ESRRG: variants seen among roughly 807,000 people sequenced by gnomAD.
The protein encoded by ESRRG is estrogen related receptor gamma.
In ESRRG, 13 loss-of-function variants were observed where a neutral mutation model predicts 44.0. The observed-to-expected ratio is 0.30, with a 90% CI of 0.19 to 0.47. ESRRG has a LOEUF of 0.47. Ranked by LOEUF, ESRRG falls within the 20% of genes least tolerant of loss-of-function variation. ESRRG has a pLI of 1.00. For missense variants in ESRRG, 395 were observed against 580.6 expected (o/e 0.68, Z 3.29); for synonymous variants, 215 against 214.6 (o/e 1.00, Z -0.02).
intron 1 of ESRRG, among the ~76,000 whole-genome samples, chr1:216,962,346 G>C (rs1034819523): frequency 6.6e-6 from 1 of 152,074 alleles, no homozygotes; most frequent in Admixed American, 6.6e-5. Flanking sequence ...GAGTTTTTCT[G>C]CTTTCTTCTC....
chr1:216,977,369 C>CACACATAT (rs1184658372), intron 1 of ESRRG, among the ~76,000 whole-genome samples: 9 of 151,394 alleles, frequency 5.9e-5, no homozygotes, highest in Non-Finnish European at 1.2e-4. Flanking sequence ...CACACACACA[C>CACACATAT]ACATATACAT....
intron 2 of ESRRG, among the ~76,000 whole-genome samples, chr1:216,912,183 A>AAGAAAAGAAAAGAAAAGAAGAGGAG (rs1560083326): frequency 1.4e-4 from 3 of 21,156 alleles, no homozygotes; most frequent in Non-Finnish European, 2.4e-4. Context: ...AAGAAAAGAA[A>AAGAAAAGAAAAGAAAAGAAGAGGAG]AGGAGAGGAG....
rs935665445 is a variant in ESRRG at position 217,064,808 on chromosome 1, A to G, written c.-106+24699T>C. Among the ~76,000 whole-genome samples, 7 of 152,316 alleles carry G rather than the reference A, an allele frequency of 4.6e-5. No individual in the cohort carries two copies. The South Asian group carries it at 1.2e-3, about 27-fold the overall frequency. ...TCTGAATCAGAAGGGGATAAAGGAC[A>G]TGTGAAATGGGTCTCTTTCTATTCC... On this transcript the variant is annotated intron_variant, in intron 1 of 7. Transcript: ENST00000359162.
intron 2 of ESRRG, among the ~76,000 whole-genome samples, chr1:216,796,291 C>T (rs529424103): frequency 6.6e-6 from 1 of 152,138 alleles, no homozygotes. Flanking sequence ...CTCCCAGATG[C>T]CCTTGGGCAA....
At chr1:216,745,632 G>A (rs990019647) in intron 2 of ESRRG, among the ~76,000 whole-genome samples, 8 of 152,088 alleles carry the variant, frequency 5.3e-5, no homozygotes, top group South Asian at 2.1e-4. Flanking sequence ...CTCTCAATGC[G>A]TGTATTCAAT....
chr1:216,805,089 A>G (rs1233963253), intron 2 of ESRRG: 4 of 152,204 alleles, frequency 2.6e-5, no homozygotes, highest in Non-Finnish European at 5.9e-5. Flanking sequence ...CACCACGAAC[A>G]TGTGAAAACT....
At chr1:216,772,880 G>C (rs1297154525) in intron 2 of ESRRG, among the ~76,000 whole-genome samples, 1 of 151,550 alleles carries the variant, frequency 6.6e-6, no homozygotes, top group Non-Finnish European at 1.5e-5. Context: ...CTGATATTTG[G>C]TGTTTCCAAA....
chr1:216,685,891 A>T (rs1267263244), intron 1 of ESRRG, among the ~76,000 whole-genome samples: 1 of 152,208 alleles, frequency 6.6e-6, no homozygotes, highest in Non-Finnish European at 1.5e-5. Context: ...CAGGAGTGGA[A>T]CTCTAAAAGG....
At chr1:216,628,925 A>T (rs569089218) in intron 3 of ESRRG, among the ~76,000 whole-genome samples, 1 of 152,292 alleles carries the variant, frequency 6.6e-6, no homozygotes, top group South Asian at 2.1e-4. Flanking sequence ...TCCTCGAAGG[A>T]GCAAAACTCT....
intron 2 of ESRRG, among the ~76,000 whole-genome samples, chr1:216,734,554 G>A (rs2813707): frequency 0.32 from 48,909 of 151,884 alleles, 9,079 homozygotes; most frequent in East Asian, 0.51. Context: ...TTCACCTTCC[G>A]CCATGATTAT....
intron 1 of ESRRG, among the ~76,000 whole-genome samples, chr1:217,060,195 G>T (rs574234188): frequency 2.0e-5 from 3 of 151,972 alleles, no homozygotes; most frequent in East Asian, 3.9e-4. Context: ...TATTCATGTG[G>T]ATTTCTCTAT....
chr1:216,964,607 T>G (rs756287702), intron 1 of ESRRG, among the ~76,000 whole-genome samples: 3 of 152,172 alleles, frequency 2.0e-5, no homozygotes, highest in African/African-American at 2.4e-5. Flanking sequence ...TGAATCTGTA[T>G]GTGTCTACCT....
chr1:216,888,321 C>T (rs1263312084), intron 2 of ESRRG, among the ~76,000 whole-genome samples: 1 of 152,148 alleles, frequency 6.6e-6, no homozygotes, highest in African/African-American at 2.4e-5. Flanking sequence ...GTGTTACCTT[C>T]AAATTGTAGT....
intron 1 of ESRRG, among the ~76,000 whole-genome samples, chr1:216,988,263 G>C (rs2075176998): frequency 6.6e-6 from 1 of 152,278 alleles, no homozygotes; most frequent in East Asian, 1.9e-4. Flanking sequence ...TTGCTTTCTG[G>C]TTACCCTGAA....
At chr1:216,797,423 G>A (rs569857838) in intron 2 of ESRRG, among the ~76,000 whole-genome samples, 7 of 151,982 alleles carry the variant, frequency 4.6e-5, no homozygotes, top group Admixed American at 1.3e-4. Flanking sequence ...TTCCATAAGC[G>A]GGAACTATGT....
At chr1:216,529,464 T>A (rs1044756519) in intron 5 of ESRRG, among the ~76,000 whole-genome samples, 1 of 152,174 alleles carries the variant, frequency 6.6e-6, no homozygotes, top group Admixed American at 6.6e-5. Flanking sequence ...GCTTTTTAAG[T>A]CATGCAAAGT....
At chr1:217,107,510 G>A (rs1399772596) in intron 1 of ESRRG, among the ~76,000 whole-genome samples, 1 of 152,210 alleles carries the variant, frequency 6.6e-6, no homozygotes, top group Non-Finnish European at 1.5e-5. Context: ...GTTAGTTTGT[G>A]AAGTTTGTTT....
chr1:216,954,555 A>G (rs1453105315), intron 1 of ESRRG, among the ~76,000 whole-genome samples: 1 of 152,164 alleles, frequency 6.6e-6, no homozygotes, highest in African/African-American at 2.4e-5. Context: ...TAATTACTTG[A>G]TTTAGGCATA....
At chr1:216,964,668 T>C (rs2069863066) in intron 1 of ESRRG, among the ~76,000 whole-genome samples, 1 of 152,102 alleles carries the variant, frequency 6.6e-6, no homozygotes. Context: ...ACTCACTTCT[T>C]CTTTCTGGTC....
Sources: allele counts gnomAD v4.1 joint callset (sites outside exome capture counted in the v4.1 genomes callset), GRCh38; gene constraint gnomAD v4.1.1; transcripts MANE v1.5; gene names NCBI Gene and HGNC (gene_info 2026-07-23, HGNC 2026-07-21).